Variants in IFT43 observed in about 807,000 individuals in gnomAD.
IFT43 encodes intraflagellar transport 43, also known as intraflagellar transport protein 43 homolog.
IFT43 carries 33 observed loss-of-function variants against 32.3 expected under a neutral mutation model. The ratio of observed to expected loss-of-function variants is 1.02; its 90% CI spans 0.77 to 1.37. IFT43 has a LOEUF of 1.37. Ranked by LOEUF, IFT43 falls within the 40% of genes most tolerant of loss-of-function variation. The pLI is 0.00. For missense variants in IFT43, 274 were observed against 265.9 expected, an observed-to-expected ratio of 1.03 and a Z score of -0.21; for synonymous variants, 93 against 98.2, an observed-to-expected ratio of 0.95 and a Z score of 0.31.
intron 3 of IFT43, among the ~76,000 whole-genome samples, chr14:76,043,237 C>CA (rs1259328384): frequency 2.6e-5 from 4 of 152,234 alleles, no homozygotes; most frequent in African/African-American, 9.6e-5. Flanking sequence ...TGAAGCAAAA[C>CA]AGTTGACAAG....
intron 2 of IFT43, chr14:76,013,603 A>G: frequency 5.2e-6 from 1 of 191,080 alleles, no homozygotes. Context: ...CAGGGACTGG[A>G]CTGTCTATGC....
intron 2 of IFT43, among the ~76,000 whole-genome samples, chr14:76,004,130 G>A (rs867267119): frequency 1.3e-5 from 2 of 152,068 alleles, no homozygotes; most frequent in Non-Finnish European, 2.9e-5. Flanking sequence ...TGCCTTTTTT[G>A]TTGTTCTTCA....
intron 5 of IFT43, among the ~76,000 whole-genome samples, chr14:76,067,063 G>A (rs1476730440): frequency 6.6e-6 from 1 of 152,042 alleles, no homozygotes; most frequent in African/African-American, 2.4e-5. Flanking sequence ...TCTTTCTTTC[G>A]GTCTTTCATA....
intron 2 of IFT43, among the ~76,000 whole-genome samples, chr14:76,002,868 G>A (rs2035915331): frequency 6.6e-6 from 1 of 152,230 alleles, no homozygotes. Context: ...AGAGCTGCGA[G>A]AGCAACGAAG....
At chr14:76,009,507 T>G (rs2036040008) in intron 2 of IFT43, among the ~76,000 whole-genome samples, 1 of 152,238 alleles carries the variant, frequency 6.6e-6, no homozygotes, top group Admixed American at 6.5e-5. Flanking sequence ...TCATTTCTCT[T>G]TGTAGCCTGT....
At chr14:76,035,395 C>T (rs895519969) in intron 3 of IFT43, among the ~76,000 whole-genome samples, 4 of 152,138 alleles carry the variant, frequency 2.6e-5, no homozygotes, top group African/African-American at 7.2e-5. Context: ...ATTAAGATGG[C>T]GGTAGAACTG....
intron 1 of IFT43, chr14:75,986,068 C>T: frequency 1.3e-6 from 2 of 1,494,050 alleles, no homozygotes; most frequent in Non-Finnish European, 1.8e-6. Context: ...AGAAAACACC[C>T]TGTCCCCGCC....
intron 3 of IFT43, among the ~76,000 whole-genome samples, chr14:76,035,766 G>A (rs1241638031): frequency 1.3e-5 from 2 of 152,246 alleles, no homozygotes; most frequent in Non-Finnish European, 2.9e-5. Context: ...CCCAGCTGGT[G>A]TGCCATGTGC....
At chr14:76,074,839 C>G (rs549754118) in intron 5 of IFT43, among the ~76,000 whole-genome samples, 1 of 152,352 alleles carries the variant, frequency 6.6e-6, no homozygotes, top group African/African-American at 2.4e-5. Flanking sequence ...TGAGGCCTGA[C>G]TGACCTCAGA....
Position 76,023,307 on chromosome 14 carries a change from T to A in IFT43, c.215+913T>A, listed in dbSNP as rs967975113. ...CTCCCAGCCTTTCCACAGCTTAGAC[T>A]AGATGCTGATCCCTGTGGTTCCATA... is the stretch of plus-strand genomic sequence containing the variant. On this transcript the variant is annotated intron_variant, in intron 3 of 8. Coordinates refer to ENST00000314067, the MANE Select transcript of IFT43 (RefSeq NM_001102564.3). Among the ~76,000 whole-genome samples the A allele has an allele frequency of 5.3e-5, 8 of 152,324 alleles. No homozygotes were observed. In the East Asian group the frequency reaches 1.4e-3, roughly 26 times the overall value.
At chr14:76,001,970 G>A (rs183926995) in intron 2 of IFT43, among the ~76,000 whole-genome samples, 3 of 152,292 alleles carry the variant, frequency 2.0e-5, no homozygotes, top group East Asian at 3.9e-4. Context: ...CATCTTGGCC[G>A]GACATGGTGG....
intron 3 of IFT43, 100 bp from the exon 4 acceptor site, chr14:76,058,542 T>G: frequency 7.2e-7 from 1 of 1,397,026 alleles, no homozygotes; most frequent in Non-Finnish European, 1.0e-6. Context: ...ACTTGAGATA[T>G]ACTAATTTGC....
In IFT43 at chr14:76,040,840, C is replaced by G. The variant is rs569658359; in HGVS notation, c.216-17802C>G. On this transcript the variant is annotated intron_variant, in intron 3 of 8. Coordinates refer to ENST00000314067, the MANE Select transcript of IFT43 (RefSeq NM_001102564.3). ...TGGAGCAGAGGGGAGCACCCGATCCCCTAGGGAGGTGGCTGGAGAACAGGT... is the reference window on the plus strand; with the variant it reads ...TGGAGCAGAGGGGAGCACCCGATCCGCTAGGGAGGTGGCTGGAGAACAGGT... Among the ~76,000 whole-genome samples, 130 of 152,316 alleles carry G rather than the reference C, an allele frequency of 8.5e-4. 1 individual carries two copies. The highest frequency in any genetic ancestry group is 3.0e-3 in the African/African-American group (125 of 41,580).
At chr14:76,009,940 A>G (rs1184268244) in intron 2 of IFT43, among the ~76,000 whole-genome samples, 1 of 152,146 alleles carries the variant, frequency 6.6e-6, no homozygotes, top group African/African-American at 2.4e-5. Context: ...GACTACAGGT[A>G]CATGCCACCG....
intron 1 of IFT43, 67 bp downstream of exon 1, chr14:75,985,907 C>T: frequency 6.3e-7 from 1 of 1,587,808 alleles, no homozygotes; most frequent in Non-Finnish European, 8.6e-7. Context: ...CCCCGCCGGC[C>T]CCGACTTCTC....
chr14:76,038,775 TC>T (rs1263025824), intron 3 of IFT43, among the ~76,000 whole-genome samples: 2 of 152,226 alleles, frequency 1.3e-5, no homozygotes, highest in African/African-American at 4.8e-5. Flanking sequence ...CTATCTTTAG[TC>T]CTTTCCTATC....
At chr14:76,057,202 AC>A (rs1297552166) in intron 3 of IFT43, among the ~76,000 whole-genome samples, 2 of 151,976 alleles carry the variant, frequency 1.3e-5, no homozygotes, top group African/African-American at 2.4e-5. Context: ...ACTTTGACTT[AC>A]TTTTTAAAAT....
At chr14:75,991,394 T>TGTGTATATTAACAAGA (rs2035639503) in intron 2 of IFT43, among the ~76,000 whole-genome samples, 3 of 83,398 alleles carry the variant, frequency 3.6e-5, no homozygotes, top group African/African-American at 1.4e-4. Context: ...CAAGAGTGTG[T>TGTGTATATTAACAAGA]GTGTGTGTGT....
rs184569251 is a variant in IFT43, at chr14:76,049,216, C to A, written c.216-9426C>A. 9.8e-5 allele frequency among the ~76,000 whole-genome samples: 15 copies of A among 152,322 alleles called. 1 individual carries two copies. The East Asian group carries it at 2.9e-3, about 29-fold the overall frequency. ...ATCCAGTCTCGTTTATCTCCATCTT[C>A]CATCCTTGTAGCTCGATTTTCCCAA... On this transcript the variant is annotated intron_variant, in intron 3 of 8. Transcript: ENST00000314067.
Sources: gnomAD v4.1 joint callset for allele counts (sites outside exome capture counted in the v4.1 genomes callset) on GRCh38, gnomAD v4.1.1 for gene constraint, MANE v1.5 for transcripts, NCBI Gene and HGNC (gene_info 2026-07-23, HGNC 2026-07-21) for gene names.